The following KCNQ1 variants were observed in gnomAD, a reference collection of about 807,000 sequenced individuals.
The protein encoded by KCNQ1 is potassium voltage-gated channel subfamily KQT member 1.
KCNQ1 carries 49 observed loss-of-function variants against 72.4 expected under a neutral mutation model. The observed-to-expected ratio is 0.68, with a 90% CI of 0.54 to 0.86. The LOEUF is 0.86. Ranked by LOEUF, KCNQ1 falls within the 40% of genes least tolerant of loss-of-function variation. The pLI, the probability that KCNQ1 is intolerant of heterozygous loss-of-function variation, is 0.00. For missense variants in KCNQ1, 790 were observed against 945.1 expected (o/e 0.84, Z 2.15); for synonymous variants, 450 against 412.6 (o/e 1.09, Z -1.10).
chr11:2,674,800 T>C lies in KCNQ1; in HGVS notation c.1514+12719T>C, dbSNP rs1850261954. ...GAAACTCTCGCCAACTGCTGGCCTT[T>C]GGAAAGGCTTGTCACCCTAATAGCT... On this transcript the variant is annotated intron_variant, in intron 11 of 15. Transcript: ENST00000155840. This position sits in a 1 kb window ranked among gnomAD's most constrained non-coding sequence, Gnocchi z 5.9. 5.2e-6 allele frequency: 2 copies of C among 388,296 alleles called. No homozygotes were observed. The allele number at this position is 388,296 out of a possible 1,614,324, so 24.1% of individuals were successfully genotyped here.
In KCNQ1 at chr11:2,659,972, C is replaced by A; in HGVS notation, c.1394-1989C>A. Reference sequence around the variant, plus strand: ...ACCTGATAGGTGATATGCAAATATTCTTTCCAAGTCTGTGCTTTGTCTTTT... The same window carrying A: ...ACCTGATAGGTGATATGCAAATATTATTTCCAAGTCTGTGCTTTGTCTTTT... On this transcript the variant is annotated intron_variant, in intron 10 of 15. Transcript: ENST00000155840. The surrounding 1 kb of genome is among the most constrained non-coding windows in gnomAD (Gnocchi z 4.3). 2 of 398,418 alleles carry A rather than the reference C, an allele frequency of 5.0e-6. No homozygotes were observed. Among genetic ancestry groups the A allele is most frequent in the Non-Finnish European group, 8.9e-6 (2 of 225,978 alleles). 24.7% of individuals were successfully genotyped at this position (398,418 alleles called of 1,614,324 possible).
chr11:2,792,077 C>A (rs1368690075), intron 15 of KCNQ1, among the ~76,000 whole-genome samples: 1 of 152,186 alleles, frequency 6.6e-6, no homozygotes, highest in East Asian at 1.9e-4. Context: ...GCGTCCGCTG[C>A]TTCCCGCCCT....
At chr11:2,719,099 G>A (rs547662820) in intron 11 of KCNQ1, among the ~76,000 whole-genome samples, 4 of 152,298 alleles carry the variant, frequency 2.6e-5, no homozygotes, top group South Asian at 2.1e-4. Flanking sequence ...AGCCCCAACC[G>A]CAGAGCACCA....
rs550412097 is a variant in KCNQ1 at position 2,587,432 on chromosome 11, T to C, written c.1129-138T>C. 5.6e-6 allele frequency: 7 copies of C among 1,248,852 alleles called. No homozygotes were observed. The African/African-American group carries it at 1.0e-4, about 19-fold the overall frequency. The allele number at this position is 1,248,852 out of a possible 1,614,324, so 77.4% of individuals were successfully genotyped here. A position where few individuals can be genotyped will look rare whatever the true frequency, so the allele number is the denominator to read the frequency against. On this transcript the variant is annotated intron_variant, in intron 8 of 15. Coordinates refer to ENST00000155840, the MANE Select transcript of KCNQ1 (RefSeq NM_000218.3). ...GGGAGCTGGGACCATGTCAAGCCTGTGACTCTGAGGTCCCAGACCCTGCCA... is the reference window on the plus strand; with the variant it reads ...GGGAGCTGGGACCATGTCAAGCCTGCGACTCTGAGGTCCCAGACCCTGCCA...
In KCNQ1 at chr11:2,642,185, T is replaced by C. The variant is rs1849590849; in HGVS notation, c.1394-19776T>C. 1 of 398,384 alleles carries C rather than the reference T, an allele frequency of 2.5e-6. No individual in the cohort carries two copies. Among genetic ancestry groups the C allele is most frequent in the African/African-American group, 2.1e-5 (1 of 48,638 alleles). 24.7% of individuals were successfully genotyped at this position (398,384 alleles called of 1,614,324 possible). Reference sequence around the variant, plus strand: ...CATTGGTATTTTGAGAGAGACTGCATTGAATCTGTAGATTGCTTTGGGTAG... The same window carrying C: ...CATTGGTATTTTGAGAGAGACTGCACTGAATCTGTAGATTGCTTTGGGTAG... On this transcript the variant is annotated intron_variant, in intron 10 of 15. Coordinates refer to ENST00000155840, the MANE Select transcript of KCNQ1 (RefSeq NM_000218.3). This position sits in a 1 kb window ranked among gnomAD's most constrained non-coding sequence, Gnocchi z 4.3.
In KCNQ1 at chr11:2,549,909, C is replaced by T. The variant is rs1256994992; in HGVS notation, c.478-20719C>T. Among the ~76,000 whole-genome samples the T allele has an allele frequency of 1.3e-5, 2 of 152,144 alleles. No individual in the cohort carries two copies. The highest frequency in any genetic ancestry group is 2.9e-5 in the Non-Finnish European group (2 of 68,008). ...TCAATCTGGGGGTTCCGGCTCCTTG[C>T]CCACCGCCCCCGCCACCCAGCGCGA... On this transcript the variant is annotated intron_variant, in intron 2 of 15. Transcript: ENST00000155840. This position sits in a 1 kb window ranked among gnomAD's most constrained non-coding sequence, Gnocchi z 6.2.
In KCNQ1 at chr11:2,674,683, T is replaced by C. The variant is rs1347173341; in HGVS notation, c.1514+12602T>C. The C allele has an allele frequency of 5.0e-6, 2 of 398,482 alleles. No individual in the cohort carries two copies. The highest frequency in any genetic ancestry group is 7.1e-5 in the East Asian group (2 of 28,072). 24.7% of individuals were successfully genotyped at this position (398,482 alleles called of 1,614,324 possible). ...TTGCAAAATAATTTGAAAAGTTTGT[T>C]GAACCTTAAACCTTTCCTGATGACT... On this transcript the variant is annotated intron_variant, in intron 11 of 15. Coordinates refer to ENST00000155840, the MANE Select transcript of KCNQ1 (RefSeq NM_000218.3). This position sits in a 1 kb window ranked among gnomAD's most constrained non-coding sequence, Gnocchi z 5.9.
At position 2,626,040 on chromosome 11, in the gene KCNQ1, T is replaced by A. The variant is rs1018214468; in HGVS notation, c.1394-35921T>A. On this transcript the variant is annotated intron_variant, in intron 10 of 15. Coordinates refer to ENST00000155840, the MANE Select transcript of KCNQ1 (RefSeq NM_000218.3). This position sits in a 1 kb window ranked among gnomAD's most constrained non-coding sequence, Gnocchi z 4.0. ...TTTTAATGCACACAATGTAAATTTT[T>A]AAAATTTATCTAGTTTTACTTTTAT... 10 of 398,556 alleles carry A rather than the reference T, an allele frequency of 2.5e-5. No individual in the cohort carries two copies. Among genetic ancestry groups the A allele is most frequent in the African/African-American group, 1.8e-4 (9 of 48,662 alleles). 24.7% of individuals were successfully genotyped at this position (398,556 alleles called of 1,614,324 possible). A position where few individuals can be genotyped will look rare whatever the true frequency, so the allele number is the denominator to read the frequency against.
chr11:2,634,893 C>T (rs1190997020), intron 10 of KCNQ1: 2 of 152,180 alleles, frequency 1.3e-5, no homozygotes, highest in African/African-American at 2.4e-5. Context: ...GAGATGGTAT[C>T]TCATTGTGGT....
Position 2,515,370 on chromosome 11 carries a change from A to G in KCNQ1, c.387-12558A>G, listed in dbSNP as rs1847271017. Among the ~76,000 whole-genome samples the G allele has an allele frequency of 6.6e-6, 1 of 152,098 alleles. No homozygotes were observed. Among genetic ancestry groups the G allele is most frequent in the South Asian group, 2.1e-4 (1 of 4,828 alleles). ...GGACATGATTTCATTCACTTCTTGGAGGCTTTAACGCCTGCCCTGTGTGAG... is the reference window on the plus strand; with the variant it reads ...GGACATGATTTCATTCACTTCTTGGGGGCTTTAACGCCTGCCCTGTGTGAG... On this transcript the variant is annotated intron_variant, in intron 1 of 15. Coordinates refer to ENST00000155840, the MANE Select transcript of KCNQ1 (RefSeq NM_000218.3). The surrounding 1 kb of genome is among the most constrained non-coding windows in gnomAD (Gnocchi z 4.7).
At chr11:2,505,151 G>C (rs1038500590) in intron 1 of KCNQ1, among the ~76,000 whole-genome samples, 8 of 151,782 alleles carry the variant, frequency 5.3e-5, no homozygotes, top group Non-Finnish European at 1.2e-4. Context: ...TGCTGCACCT[G>C]TCAACCCATC....
intron 11 of KCNQ1, chr11:2,662,940 C>T (rs759951888): frequency 1.8e-5 from 7 of 398,530 alleles, no homozygotes; most frequent in Admixed American, 4.4e-5. Flanking sequence ...GTGTCTTTGT[C>T]GTAGTGAGGC....
In KCNQ1 at chr11:2,671,360, T is replaced by A. The variant is rs936176047; in HGVS notation, c.1514+9279T>A. On this transcript the variant is annotated intron_variant, in intron 11 of 15. Transcript: ENST00000155840. This position sits in a 1 kb window ranked among gnomAD's most constrained non-coding sequence, Gnocchi z 4.7. ...CCCTCTGAAGATGACACTGGGAATA[T>A]CCTGAAAAAGGTACAGGAACACCTG... is the stretch of plus-strand genomic sequence containing the variant. The A allele has an allele frequency of 1.0e-5, 4 of 398,396 alleles. No homozygotes were observed. The highest frequency in any genetic ancestry group is 6.2e-5 in the African/African-American group (3 of 48,580). The allele number at this position is 398,396 out of a possible 1,614,324, so 24.7% of individuals were successfully genotyped here.
In KCNQ1 at chr11:2,651,912, G is replaced by T; in HGVS notation, c.1394-10049G>T. Reference sequence around the variant, plus strand: ...CATAGCCGAGGGTCCCTCTGGGGCCGCTTGCTCTCCTCCTACTCACAGCCC... The same window carrying T: ...CATAGCCGAGGGTCCCTCTGGGGCCTCTTGCTCTCCTCCTACTCACAGCCC... On this transcript the variant is annotated intron_variant, in intron 10 of 15. Transcript: ENST00000155840. The surrounding 1 kb of genome is among the most constrained non-coding windows in gnomAD (Gnocchi z 6.1). 2.5e-6 allele frequency: 1 copy of T among 398,754 alleles called. No individual in the cohort carries two copies. Among genetic ancestry groups the T allele is most frequent in the Non-Finnish European group, 4.4e-6 (1 of 226,180 alleles). The allele number at this position is 398,754 out of a possible 1,614,324, so 24.7% of individuals were successfully genotyped here. A position where few individuals can be genotyped will look rare whatever the true frequency, so the allele number is the denominator to read the frequency against.
chr11:2,703,484 C>T lies in KCNQ1; in HGVS notation c.1514+41403C>T, dbSNP rs1439979528. Among the ~76,000 whole-genome samples, 1 of 152,156 alleles carries T rather than the reference C, an allele frequency of 6.6e-6. No homozygotes were observed. Among genetic ancestry groups the T allele is most frequent in the African/African-American group, 2.4e-5 (1 of 41,428 alleles). ...AGGTTCCCTTGCAAGCCTGTGCACC[C>T]GAGAGCACGCACGCACACACGCACT... On this transcript the variant is annotated intron_variant, in intron 11 of 15. Transcript: ENST00000155840. The surrounding 1 kb of genome is among the most constrained non-coding windows in gnomAD (Gnocchi z 6.4).
intron 2 of KCNQ1, among the ~76,000 whole-genome samples, chr11:2,539,136 G>C (rs1847782466): frequency 6.6e-6 from 1 of 152,132 alleles, no homozygotes; most frequent in Non-Finnish European, 1.5e-5. Flanking sequence ...TGGTCCCTCT[G>C]GGGGGCAAGG....
rs370033968 is a variant in KCNQ1, at chr11:2,463,530, T to C, written c.386+18046T>C. On this transcript the variant is annotated intron_variant, in intron 1 of 15. Coordinates refer to ENST00000155840, the MANE Select transcript of KCNQ1 (RefSeq NM_000218.3). This position sits in a 1 kb window ranked among gnomAD's most constrained non-coding sequence, Gnocchi z 7.0. The stretch of plus-strand genomic sequence containing the variant: ...CTGGACAGGCTCCACCTCCCTCTTA[T>C]CGTGGCCCCTTTGGCAGGCTGCCTG... Among the ~76,000 whole-genome samples the C allele has an allele frequency of 1.2e-3, 181 of 152,232 alleles. 1 individual carries two copies. Among genetic ancestry groups the C allele is most frequent in the African/African-American group, 4.3e-3 (178 of 41,540 alleles).
chr11:2,632,093 G>T (rs1401068018), intron 10 of KCNQ1: 1 of 389,888 alleles, frequency 2.6e-6, no homozygotes, highest in Non-Finnish European at 4.5e-6. Flanking sequence ...TGAAGCAGGA[G>T]AATGGCGTGA....
chr11:2,507,373 G>C lies in KCNQ1; in HGVS notation c.387-20555G>C, dbSNP rs978186586. Among the ~76,000 whole-genome samples, 1 of 152,180 alleles carries C rather than the reference G, an allele frequency of 6.6e-6. No individual in the cohort carries two copies. The highest frequency in any genetic ancestry group is 2.4e-5 in the African/African-American group (1 of 41,450). ...ATCGGGCAGGACACGAGATGCGCAG[G>C]AGGCTGTGACTGAGGTGGCTGTGGG... On this transcript the variant is annotated intron_variant, in intron 1 of 15. Transcript: ENST00000155840. The surrounding 1 kb of genome is among the most constrained non-coding windows in gnomAD (Gnocchi z 5.4).
Sources: allele counts gnomAD v4.1 joint callset (sites outside exome capture counted in the v4.1 genomes callset), GRCh38; gene constraint gnomAD v4.1.1; non-coding constraint Gnocchi (gnomAD v3.1); transcripts MANE v1.5; gene names NCBI Gene and HGNC (gene_info 2026-07-23, HGNC 2026-07-21).